The following KIAA1328 variants were observed in gnomAD, a reference collection of about 807,000 sequenced individuals.
KIAA1328 encodes the protein protein hinderin.
KIAA1328 carries 52 observed loss-of-function variants against 68.1 expected under a neutral mutation model. The ratio of observed to expected loss-of-function variants is 0.76; its 90% CI spans 0.61 to 0.96. KIAA1328 has a LOEUF of 0.96. Ranked by LOEUF, KIAA1328 falls within the 40% of genes least tolerant of loss-of-function variation. The pLI is 0.00. For synonymous variants in KIAA1328, 232 were observed against 239.4 expected (o/e 0.97, Z 0.28); for missense variants, 641 against 677.6 (o/e 0.95, Z 0.60).
At chr18:36,909,901 T>C (rs982612419) in intron 5 of KIAA1328, among the ~76,000 whole-genome samples, 2 of 152,252 alleles carry the variant, frequency 1.3e-5, no homozygotes, top group Non-Finnish European at 2.9e-5. Flanking sequence ...GAGCATTTTT[T>C]CATGTGTCTG....
intron 9 of KIAA1328, among the ~76,000 whole-genome samples, chr18:37,221,089 A>G (rs907128710): frequency 4.6e-5 from 7 of 152,130 alleles, no homozygotes; most frequent in Admixed American, 1.3e-4. Context: ...GGCCTCCCAA[A>G]GTGCTGGGAT....
chr18:37,112,176 G>A (rs540470148), intron 7 of KIAA1328, among the ~76,000 whole-genome samples: 2 of 152,306 alleles, frequency 1.3e-5, no homozygotes, highest in South Asian at 4.1e-4. Context: ...GAGAGTAGCA[G>A]TTCTCCCAGC....
At chr18:36,854,100 G>A (rs1033970687) in intron 4 of KIAA1328, among the ~76,000 whole-genome samples, 2 of 152,166 alleles carry the variant, frequency 1.3e-5, no homozygotes, top group African/African-American at 2.4e-5. Flanking sequence ...TCATATGGGT[G>A]AGCCTTAATC....
intron 6 of KIAA1328, among the ~76,000 whole-genome samples, chr18:37,036,288 A>G (rs767352893): frequency 6.6e-6 from 1 of 152,214 alleles, no homozygotes; most frequent in Non-Finnish European, 1.5e-5. Context: ...GTTTGTCCTG[A>G]CCTTCTCTCT....
At chr18:37,015,472 G>T (rs773335968) in intron 6 of KIAA1328, among the ~76,000 whole-genome samples, 2 of 152,038 alleles carry the variant, frequency 1.3e-5, no homozygotes, top group Non-Finnish European at 1.5e-5. Context: ...GATTGCTTTG[G>T]CTATTCAAGC....
intron 5 of KIAA1328, among the ~76,000 whole-genome samples, chr18:36,920,226 A>G (rs534869079): frequency 2.6e-5 from 4 of 152,088 alleles, no homozygotes; most frequent in Non-Finnish European, 5.9e-5. Context: ...TAATTTTTGT[A>G]TATGGTAGAA....
intron 6 of KIAA1328, among the ~76,000 whole-genome samples, chr18:37,050,426 A>AT (rs2151661990): frequency 6.6e-6 from 1 of 152,190 alleles, no homozygotes; most frequent in South Asian, 2.1e-4. Flanking sequence ...TCTCTTTAAA[A>AT]TTATTTCACC....
At chr18:36,938,857 G>A (rs577706371) in intron 5 of KIAA1328, among the ~76,000 whole-genome samples, 8 of 152,066 alleles carry the variant, frequency 5.3e-5, no homozygotes, top group Non-Finnish European at 1.0e-4. Flanking sequence ...TCATCATAGC[G>A]TATTCTTGGC....
At chr18:37,087,670 G>A (rs2057146040) in intron 7 of KIAA1328, among the ~76,000 whole-genome samples, 2 of 152,268 alleles carry the variant, frequency 1.3e-5, no homozygotes, top group Admixed American at 1.3e-4. Flanking sequence ...TAGGCACGCT[G>A]GGGACTCTTA....
intron 3 of KIAA1328, among the ~76,000 whole-genome samples, chr18:36,839,649 G>A (rs2046794099): frequency 6.6e-6 from 1 of 152,096 alleles, no homozygotes; most frequent in South Asian, 2.1e-4. Flanking sequence ...TATGCATTTT[G>A]CCTTTTTGGG....
At chr18:36,838,886 C>T (rs764890291) in intron 3 of KIAA1328, among the ~76,000 whole-genome samples, 4 of 152,076 alleles carry the variant, frequency 2.6e-5, no homozygotes, top group African/African-American at 9.7e-5. Context: ...GGGCGTGCAC[C>T]GCCACACCCG....
chr18:37,219,918 C>T (rs2060525266), intron 9 of KIAA1328, among the ~76,000 whole-genome samples: 1 of 152,190 alleles, frequency 6.6e-6, no homozygotes, highest in South Asian at 2.1e-4. Context: ...GTCGATCACA[C>T]TGGGAGCTGC....
At chr18:37,019,293 C>T (rs2054258595) in intron 6 of KIAA1328, among the ~76,000 whole-genome samples, 2 of 152,150 alleles carry the variant, frequency 1.3e-5, no homozygotes, top group African/African-American at 4.8e-5. Flanking sequence ...TCCTACGAGC[C>T]CATAGATGGC....
At chr18:37,069,796 T>G (rs1568364574) in intron 7 of KIAA1328, among the ~76,000 whole-genome samples, 1 of 152,152 alleles carries the variant, frequency 6.6e-6, no homozygotes, top group Non-Finnish European at 1.5e-5. Flanking sequence ...TTCATTTAGT[T>G]TTTGTTATTG....
At chr18:36,845,000 G>T (rs1275351799) in intron 4 of KIAA1328, among the ~76,000 whole-genome samples, 2 of 151,752 alleles carry the variant, frequency 1.3e-5, no homozygotes, top group African/African-American at 4.8e-5. Context: ...TGCAAATAAA[G>T]ATAACAATAT....
chr18:37,209,590 C>G (rs1342381591), intron 9 of KIAA1328, among the ~76,000 whole-genome samples: 1 of 151,924 alleles, frequency 6.6e-6, no homozygotes, highest in Non-Finnish European at 1.5e-5. Flanking sequence ...GAGGAGGTGA[C>G]ATTTAAACAA....
chr18:37,115,192 C>T (rs2058067609), intron 7 of KIAA1328, among the ~76,000 whole-genome samples: 1 of 152,128 alleles, frequency 6.6e-6, no homozygotes, highest in African/African-American at 2.4e-5. Flanking sequence ...GATACTAAAG[C>T]CGGGCAGAGG....
At chr18:36,952,672 C>G (rs557268426) in intron 5 of KIAA1328, among the ~76,000 whole-genome samples, 1 of 152,156 alleles carries the variant, frequency 6.6e-6, no homozygotes, top group Non-Finnish European at 1.5e-5. Flanking sequence ...ACGTCTTATG[C>G]CTGTTACATT....
intron 7 of KIAA1328, among the ~76,000 whole-genome samples, chr18:37,116,533 T>C (rs1277356350): frequency 6.6e-6 from 1 of 152,204 alleles, no homozygotes; most frequent in Non-Finnish European, 1.5e-5. Context: ...AAGACTTAAA[T>C]GTTAGACCTA....
Sources: allele counts gnomAD v4.1 joint callset (sites outside exome capture counted in the v4.1 genomes callset), GRCh38; gene constraint gnomAD v4.1.1; transcripts MANE v1.5; gene names NCBI Gene and HGNC (gene_info 2026-07-23, HGNC 2026-07-21).